Variants in TECRL observed in about 807,000 individuals in gnomAD.
The protein encoded by TECRL is trans-2,3-enoyl-CoA reductase-like.
In TECRL, 63 loss-of-function variants were observed where a neutral mutation model predicts 52.8. The ratio of observed to expected loss-of-function variants is 1.19; its 90% CI spans 0.97 to 1.47. The LOEUF is 1.47. Among genes scored for constraint, TECRL ranks in the 40% most tolerant of loss-of-function variants. The pLI is 0.00. For missense variants in TECRL, 482 were observed against 429.6 expected, an observed-to-expected ratio of 1.12 and a Z score of -1.08; for synonymous variants, 164 against 141.9, an observed-to-expected ratio of 1.16 and a Z score of -1.10.
At chr4:64,281,658 C>T in intron 9 of TECRL, 99 bp from the exon 10 acceptor site, 1 of 611,548 alleles carries the variant, frequency 1.6e-6, no homozygotes. Flanking sequence ...AACTGTGTAC[C>T]ACATGAAATG....
chr4:64,343,801 G>C (rs1577906182), intron 2 of TECRL, among the ~76,000 whole-genome samples: 1 of 152,080 alleles, frequency 6.6e-6, no homozygotes, highest in African/African-American at 2.4e-5. Context: ...TGATACATCA[G>C]TTTGTCAAAA....
chr4:64,294,224 T>G (rs1184043757), intron 8 of TECRL, among the ~76,000 whole-genome samples: 1 of 151,896 alleles, frequency 6.6e-6, no homozygotes, highest in Non-Finnish European at 1.5e-5. Context: ...TGACCTCAAG[T>G]GAACCACCTG....
intron 2 of TECRL, among the ~76,000 whole-genome samples, chr4:64,374,297 T>A (rs1722218163): frequency 6.6e-6 from 1 of 151,504 alleles, no homozygotes; most frequent in African/African-American, 2.4e-5. Context: ...CAAATGTTTA[T>A]AAATTTTAGG....
intron 7 of TECRL, among the ~76,000 whole-genome samples, chr4:64,302,419 GA>G (rs1560482431): frequency 6.6e-6 from 1 of 150,976 alleles, no homozygotes; most frequent in African/African-American, 2.4e-5. Flanking sequence ...CAACTATGAC[GA>G]AAAAACAACA....
At chr4:64,287,949 C>A (rs570033001) in intron 9 of TECRL, among the ~76,000 whole-genome samples, 1 of 152,158 alleles carries the variant, frequency 6.6e-6, no homozygotes, top group South Asian at 2.1e-4. Context: ...GAGTTTGAGA[C>A]CAGCCTGGCC....
intron 4 of TECRL, among the ~76,000 whole-genome samples, chr4:64,320,356 C>T (rs984499250): frequency 3.3e-5 from 5 of 151,730 alleles, no homozygotes; most frequent in African/African-American, 1.2e-4. Flanking sequence ...ACAAGAATGT[C>T]ATATGTGGTA....
chr4:64,350,257 G>A (rs1471586296), intron 2 of TECRL, among the ~76,000 whole-genome samples: 2 of 152,238 alleles, frequency 1.3e-5, no homozygotes, highest in East Asian at 3.9e-4. Context: ...CAAAATAGTA[G>A]CATTTTCATA....
intron 1 of TECRL, among the ~76,000 whole-genome samples, chr4:64,405,142 A>C: frequency 6.6e-6 from 1 of 152,264 alleles, no homozygotes; most frequent in South Asian, 2.1e-4. Context: ...GAAGCATAAT[A>C]AAAAATGTTG....
intron 2 of TECRL, among the ~76,000 whole-genome samples, chr4:64,349,886 A>C (rs1398326222): frequency 6.6e-6 from 1 of 152,208 alleles, no homozygotes; most frequent in Non-Finnish European, 1.5e-5. Context: ...TGAAAACAAA[A>C]AGACTACTTA....
chr4:64,409,175 G>A lies in TECRL; in HGVS notation c.177C>T (p.His59=), dbSNP rs781653727. The change falls in exon 1 of 12, where the codon CAC becomes CAT. Residue 59 remains histidine, a synonymous_variant. Coordinates refer to ENST00000381210, the MANE Select transcript of TECRL (RefSeq NM_001010874.5). ...TPAVKHSKTT[H]FEIEIFDAQT... ...GAGCATCAAATATTTCAATCTCAAAGTGAGTCGTTTTTGAATGTTTGACTG... is the reference window on the plus strand; with the variant it reads ...GAGCATCAAATATTTCAATCTCAAAATGAGTCGTTTTTGAATGTTTGACTG... 6.2e-7 allele frequency: 1 copy of A among 1,613,566 alleles called. No individual in the cohort carries two copies. Among genetic ancestry groups the A allele is most frequent in the Non-Finnish European group, 8.5e-7 (1 of 1,179,800 alleles).
At chr4:64,389,244 C>A (rs1211364817) in intron 1 of TECRL, among the ~76,000 whole-genome samples, 2 of 151,898 alleles carry the variant, frequency 1.3e-5, no homozygotes, top group Non-Finnish European at 2.9e-5. Context: ...ATGACGTGAC[C>A]TGTAGGTCTT....
intron 4 of TECRL, 85 bp from the exon 5 acceptor site, chr4:64,314,848 A>G (rs1717376087): frequency 3.2e-6 from 3 of 937,468 alleles, no homozygotes; most frequent in Non-Finnish European, 5.0e-6. Context: ...AGCCTACTGC[A>G]TAAATTGGTG....
intron 5 of TECRL, among the ~76,000 whole-genome samples, chr4:64,312,618 G>A (rs996518036): frequency 2.6e-5 from 4 of 151,846 alleles, no homozygotes; most frequent in African/African-American, 9.7e-5. Flanking sequence ...TTAAGCATTA[G>A]CTGGTTGTGA....
intron 2 of TECRL, among the ~76,000 whole-genome samples, chr4:64,360,121 T>C (rs1405498323): frequency 3.9e-5 from 6 of 152,196 alleles, no homozygotes; most frequent in African/African-American, 1.4e-4. Flanking sequence ...GTACAGTTTT[T>C]GATTGATAAT....
chr4:64,299,977 A>G lies in TECRL; in HGVS notation c.771T>C (p.Phe257=), dbSNP rs368381597. ...NRQITVSAIN[F]LICEAGNHFI... ...AAAATATATATATGATACATACCAGAAAATTGATAGCAGATACTGTGATTT... is the reference window on the plus strand; with the variant it reads ...AAAATATATATATGATACATACCAGGAAATTGATAGCAGATACTGTGATTT... Residue 257 remains phenylalanine (F), a synonymous_variant, in exon 8 of 12, where the codon TTT becomes TTC. Coordinates refer to ENST00000381210, the MANE Select transcript of TECRL (RefSeq NM_001010874.5). The G allele has an allele frequency of 5.7e-6, 9 of 1,574,000 alleles. No individual in the cohort carries two copies. The African/African-American group carries it at 1.1e-4, about 19-fold the overall frequency.
At chr4:64,289,153 T>G (rs1031166352) in intron 9 of TECRL, among the ~76,000 whole-genome samples, 1 of 152,208 alleles carries the variant, frequency 6.6e-6, no homozygotes, top group Non-Finnish European at 1.5e-5. Flanking sequence ...AATAAAGATG[T>G]GTATGAGACT....
chr4:64,391,837 G>A (rs1275471376), intron 1 of TECRL, among the ~76,000 whole-genome samples: 1 of 151,852 alleles, frequency 6.6e-6, no homozygotes, highest in Non-Finnish European at 1.5e-5. Flanking sequence ...GAAGAAATAT[G>A]TTACAATGAT....
chr4:64,372,172 T>C (rs746515816), intron 2 of TECRL, among the ~76,000 whole-genome samples: 7 of 151,756 alleles, frequency 4.6e-5, no homozygotes, highest in Non-Finnish European at 1.0e-4. Context: ...TTAAGCTCTC[T>C]AGAAGAGACT....
chr4:64,349,258 G>A (rs1192896706), intron 2 of TECRL, among the ~76,000 whole-genome samples: 5 of 150,912 alleles, frequency 3.3e-5, no homozygotes, highest in South Asian at 2.1e-4. Flanking sequence ...TCAACCTCCC[G>A]AGTAGCTGGC....
Sources: allele counts gnomAD v4.1 joint callset (sites outside exome capture counted in the v4.1 genomes callset), GRCh38; gene constraint gnomAD v4.1.1; transcripts MANE v1.5; gene names NCBI Gene and HGNC (gene_info 2026-07-23, HGNC 2026-07-21).